The following IPPK variants were observed in gnomAD, a reference collection of about 807,000 sequenced individuals.
IPPK encodes the protein inositol-pentakisphosphate 2-kinase.
A neutral mutation model predicts 64.6 loss-of-function variants in IPPK; 22 were observed. The observed-to-expected ratio is 0.34, with a 90% CI of 0.24 to 0.49. The LOEUF (loss-of-function observed/expected upper bound fraction) is 0.49. Among genes scored for constraint, IPPK ranks in the 20% least tolerant of loss-of-function variants. The pLI, the probability that IPPK is intolerant of heterozygous loss-of-function variation, is 0.99. For synonymous variants in IPPK, 262 were observed against 247.2 expected (o/e 1.06, Z -0.56); for missense variants, 532 against 630.7 (o/e 0.84, Z 1.68).
chr9:92,620,292 T>C (rs1409343493), intron 11 of IPPK: 1 of 152,684 alleles, frequency 6.5e-6, no homozygotes, highest in Non-Finnish European at 1.5e-5. Context: ...CAGGGACAGC[T>C]CAACACACAC....
intron 1 of IPPK, among the ~76,000 whole-genome samples, chr9:92,659,608 G>C (rs755066179): frequency 3.3e-5 from 5 of 152,144 alleles, no homozygotes; most frequent in Admixed American, 1.3e-4. Context: ...CAAAGGTGGG[G>C]GGTCCAATGC....
At chr9:92,649,164 C>G (rs1852206935) in intron 5 of IPPK, among the ~76,000 whole-genome samples, 1 of 152,228 alleles carries the variant, frequency 6.6e-6, no homozygotes, top group African/African-American at 2.4e-5. Context: ...GCGCTTCCCT[C>G]TGGTGACCCT....
chr9:92,641,946 G>C (rs965919207), intron 7 of IPPK, among the ~76,000 whole-genome samples: 1 of 152,224 alleles, frequency 6.6e-6, no homozygotes, highest in Non-Finnish European at 1.5e-5. Context: ...TGATCAAAAA[G>C]GACAACAAAG....
chr9:92,636,692 A>G (rs1488052846), intron 9 of IPPK, among the ~76,000 whole-genome samples: 1 of 152,150 alleles, frequency 6.6e-6, no homozygotes, highest in Non-Finnish European at 1.5e-5. Context: ...ATAGATACAG[A>G]TTTATGCTAG....
intron 6 of IPPK, 117 bp downstream of exon 6, chr9:92,647,942 G>A: frequency 3.1e-6 from 2 of 652,260 alleles, no homozygotes; most frequent in Non-Finnish European, 5.3e-6. Context: ...GAAATAAAAT[G>A]TCAACTAAAA....
chr9:92,666,376 C>T (rs1377741209), intron 1 of IPPK, among the ~76,000 whole-genome samples: 1 of 152,190 alleles, frequency 6.6e-6, no homozygotes, highest in East Asian at 1.9e-4. Context: ...GCGCAGGCGT[C>T]ACACAGGAGA....
chr9:92,669,875 G>T (rs376764677), intron 1 of IPPK, 33 bp downstream of exon 1: 1 of 1,552,316 alleles, frequency 6.4e-7, no homozygotes, highest in Non-Finnish European at 8.9e-7. Flanking sequence ...TCGGAGTGAG[G>T]TACCGGACCT....
intron 9 of IPPK, 23 bp downstream of exon 9, chr9:92,637,978 A>G (rs1851974596): frequency 4.6e-6 from 7 of 1,519,082 alleles, no homozygotes; most frequent in Non-Finnish European, 6.2e-6. Context: ...CCCACCGCCT[A>G]CCTGGGGAAG....
intron 9 of IPPK, among the ~76,000 whole-genome samples, chr9:92,637,305 T>A (rs77511530): frequency 0.011 from 1,715 of 152,136 alleles, 25 homozygotes; most frequent in African/African-American, 0.038. Context: ...GATCCTGTCT[T>A]GAAAAAACAA....
At chr9:92,628,043 T>C (rs920708448) in intron 11 of IPPK, among the ~76,000 whole-genome samples, 2 of 152,186 alleles carry the variant, frequency 1.3e-5, no homozygotes, top group Non-Finnish European at 2.9e-5. Context: ...TACACCTGAA[T>C]ACACTTGTAA....
rs544430599 is a variant in IPPK at position 92,615,289 on chromosome 9, T to C, written c.*543A>G. ...GAGTCTACACTGCTCAGAATCGGCATCTGCGCGACCACGAGGTCACGCTGT... is the reference window on the plus strand; with the variant it reads ...GAGTCTACACTGCTCAGAATCGGCACCTGCGCGACCACGAGGTCACGCTGT... On this transcript the variant is annotated 3_prime_UTR_variant, in exon 13 of 13. Transcript: ENST00000287996. 6.2e-6 allele frequency: 1 copy of C among 160,762 alleles called. No homozygotes were observed. The highest frequency in any genetic ancestry group is 1.8e-4 in the South Asian group (1 of 5,438). 10.0% of individuals were successfully genotyped at this position (160,762 alleles called of 1,614,324 possible).
chr9:92,652,628 C>A lies in IPPK; in HGVS notation c.237G>T (p.Gln79His), dbSNP rs562990524. The change falls in exon 4 of 13, where the codon CAG (glutamine) becomes CAT (histidine). Residue 79 changes from glutamine (Q) to histidine (H), a missense_variant. Physicochemically the swap from Gln to His is conservative, Grantham distance 24. Transcript: ENST00000287996. ...ENYVHYGEVV[Q>H]LPLEFVKQLC... ...GCTGTTTCACAAACTCTAAAGGTAG[C>A]TGAACGACCTCCTGTAAGAAAATAC... 14 of 1,566,270 alleles carry A rather than the reference C, an allele frequency of 8.9e-6. No individual in the cohort carries two copies. Among genetic ancestry groups the A allele is most frequent in the South Asian group, 1.2e-5 (1 of 86,098 alleles).
At chr9:92,618,945 T>C (rs1208822978) in intron 12 of IPPK, 17 of 278,242 alleles carry the variant, frequency 6.1e-5, no homozygotes, top group Non-Finnish European at 1.2e-4. Context: ...GATTATCAGT[T>C]TCATCCCGAA....
chr9:92,655,695 G>A (rs1418940665), intron 3 of IPPK, among the ~76,000 whole-genome samples: 1 of 152,162 alleles, frequency 6.6e-6, no homozygotes, highest in Admixed American at 6.6e-5. Flanking sequence ...CCTTCCTCAA[G>A]GAGAAAACTT....
rs373395989 is a variant in IPPK, at chr9:92,658,638, T to C, written c.125A>G (p.Lys42Arg). The C allele has an allele frequency of 3.1e-6, 5 of 1,613,576 alleles. No individual in the cohort carries two copies. The highest frequency in any genetic ancestry group is 4.2e-6 in the Non-Finnish European group (5 of 1,179,578). ...GTGCAAACCCACCCATCTTACCTTCTTCCTATTTGGAGGAAACTTCAGAAA... is the reference window on the plus strand; with the variant it reads ...GTGCAAACCCACCCATCTTACCTTCCTCCTATTTGGAGGAAACTTCAGAAA... The part of the protein sequence containing the change: ...LRFLKFPPNR[K>R]KTSEEIFQHL... The change falls in exon 2 of 13, where the codon AAG becomes AGG. Residue 42 changes from lysine (K) to arginine (R), a missense_variant. Transcript: ENST00000287996.
intron 11 of IPPK, 49 bp from the exon 12 acceptor site, chr9:92,619,614 C>T (rs1365320254): frequency 1.4e-6 from 2 of 1,474,720 alleles, no homozygotes; most frequent in South Asian, 1.2e-5. Context: ...AAGCCTCTGC[C>T]CCCCCACACA....
chr9:92,648,104 C>G lies in IPPK; in HGVS notation c.459G>C (p.Glu153Asp), dbSNP rs542664448. 21 of 1,613,650 alleles carry G rather than the reference C, an allele frequency of 1.3e-5. No individual in the cohort carries two copies. The South Asian group carries it at 2.1e-4, about 16-fold the overall frequency. The change falls in exon 6 of 13, where the codon GAG becomes GAC. Residue 153 changes from glutamate to aspartate, a missense_variant. Coordinates refer to ENST00000287996, the MANE Select transcript of IPPK (RefSeq NM_022755.6). ...FIPFSSDVTH[E>D]MKHKVCRYCM... is the part of the protein sequence containing the mutation. Reference sequence around the variant, plus strand: ...AGTATCGACAGACCTTATGCTTCATCTCATGCGTGACATCACTCGAGAAAG... The same window carrying G: ...AGTATCGACAGACCTTATGCTTCATGTCATGCGTGACATCACTCGAGAAAG...
chr9:92,630,289 C>G (rs1248526523), intron 11 of IPPK, among the ~76,000 whole-genome samples: 1 of 152,182 alleles, frequency 6.6e-6, no homozygotes, highest in Non-Finnish European at 1.5e-5. Context: ...CAAACGACCA[C>G]ACATTCAATG....
chr9:92,639,343 C>T (rs1171078993), intron 8 of IPPK, among the ~76,000 whole-genome samples: 5 of 152,216 alleles, frequency 3.3e-5, no homozygotes, highest in Non-Finnish European at 5.9e-5. Context: ...GCCACTGCAC[C>T]TGGCCCACAC....
Sources: allele counts gnomAD v4.1 joint callset (sites outside exome capture counted in the v4.1 genomes callset), GRCh38; gene constraint gnomAD v4.1.1; transcripts MANE v1.5; gene names NCBI Gene and HGNC (gene_info 2026-07-23, HGNC 2026-07-21).